ZBTB7C: variants seen among roughly 807,000 people sequenced by gnomAD.
ZBTB7C encodes zinc finger and BTB domain-containing protein 7C.
In ZBTB7C, 8 loss-of-function variants were observed where a neutral mutation model predicts 25.7. The observed-to-expected ratio is 0.31, with a 90% CI of 0.18 to 0.56. The LOEUF (loss-of-function observed/expected upper bound fraction) is 0.56. Among genes scored for constraint, ZBTB7C ranks in the 20% least tolerant of loss-of-function variants. The pLI, the probability that ZBTB7C is intolerant of heterozygous loss-of-function variation, is 0.91. For missense variants in ZBTB7C, 824 were observed against 855.2 expected (o/e 0.96, Z 0.46); for synonymous variants, 394 against 369.0 (o/e 1.07, Z -0.78).
At chr18:48,044,217 G>C (rs2036377352) in intron 3 of ZBTB7C, among the ~76,000 whole-genome samples, 1 of 152,208 alleles carries the variant, frequency 6.6e-6, no homozygotes, top group South Asian at 2.1e-4. Context: ...TCGAGGGCCT[G>C]TGTAGGATTA....
At chr18:48,228,074 C>T (rs1342354349) in intron 2 of ZBTB7C, among the ~76,000 whole-genome samples, 4 of 152,142 alleles carry the variant, frequency 2.6e-5, no homozygotes, top group Admixed American at 6.5e-5. Context: ...ATGCTTCCAG[C>T]GTCTCCCTGA....
At chr18:48,170,555 A>G (rs556049695) in intron 3 of ZBTB7C, among the ~76,000 whole-genome samples, 1 of 152,290 alleles carries the variant, frequency 6.6e-6, no homozygotes, top group East Asian at 1.9e-4. Context: ...ATTTTCAGAC[A>G]TGTTCAGGAA....
At chr18:48,234,563 A>G (rs1395434774) in intron 2 of ZBTB7C, among the ~76,000 whole-genome samples, 7 of 152,290 alleles carry the variant, frequency 4.6e-5, no homozygotes, top group African/African-American at 1.7e-4. Context: ...GATTCACAGC[A>G]CACCATGAAC....
At chr18:48,332,502 G>A (rs1238393144) in intron 2 of ZBTB7C, among the ~76,000 whole-genome samples, 1 of 152,000 alleles carries the variant, frequency 6.6e-6, no homozygotes, top group Non-Finnish European at 1.5e-5. Flanking sequence ...TCTTCCCAGT[G>A]TCTCCAAAGT....
At chr18:48,204,559 T>A (rs866888494) in intron 2 of ZBTB7C, among the ~76,000 whole-genome samples, 3 of 152,150 alleles carry the variant, frequency 2.0e-5, no homozygotes, top group Non-Finnish European at 4.4e-5. Flanking sequence ...GCCTCCAGAC[T>A]CCTGAGACAT....
chr18:48,184,516 G>A (rs1481311940), intron 3 of ZBTB7C, among the ~76,000 whole-genome samples: 1 of 152,168 alleles, frequency 6.6e-6, no homozygotes, highest in Non-Finnish European at 1.5e-5. Flanking sequence ...ACCTTCAAGA[G>A]TGCTGCAAAT....
chr18:48,379,489 T>A (rs1009231872), intron 1 of ZBTB7C, among the ~76,000 whole-genome samples: 8 of 152,206 alleles, frequency 5.3e-5, no homozygotes, highest in Admixed American at 1.3e-4. Context: ...GGTTTTGTTT[T>A]TTACCCCAGT....
At chr18:48,099,960 T>C (rs1389301878) in intron 3 of ZBTB7C, among the ~76,000 whole-genome samples, 1 of 152,224 alleles carries the variant, frequency 6.6e-6, no homozygotes, top group Non-Finnish European at 1.5e-5. Flanking sequence ...GACTGCAGCC[T>C]TAACAGCGAC....
At chr18:48,206,874 C>T (rs1470773732) in intron 2 of ZBTB7C, among the ~76,000 whole-genome samples, 2 of 151,844 alleles carry the variant, frequency 1.3e-5, no homozygotes, top group Non-Finnish European at 2.9e-5. Flanking sequence ...GGAAATTTGT[C>T]AAAATTTAAA....
chr18:48,122,059 C>G (rs928202987), intron 3 of ZBTB7C, among the ~76,000 whole-genome samples: 1 of 152,194 alleles, frequency 6.6e-6, no homozygotes, highest in Non-Finnish European at 1.5e-5. Context: ...GTGCCAGGCT[C>G]CTGCAGCCGA....
intron 2 of ZBTB7C, among the ~76,000 whole-genome samples, chr18:48,221,658 C>CCCT (rs2042962368): frequency 6.6e-6 from 1 of 150,984 alleles, no homozygotes; most frequent in Non-Finnish European, 1.5e-5. Context: ...GTCCTAATCT[C>CCCT]CTTTATACTG....
At chr18:48,243,709 A>G (rs899692229) in intron 2 of ZBTB7C, among the ~76,000 whole-genome samples, 1 of 152,232 alleles carries the variant, frequency 6.6e-6, no homozygotes, top group South Asian at 2.1e-4. Flanking sequence ...AAGAGCTCAC[A>G]TAGCCAAAGC....
chr18:48,305,210 G>A (rs2045643294), intron 2 of ZBTB7C, among the ~76,000 whole-genome samples: 1 of 152,172 alleles, frequency 6.6e-6, no homozygotes, highest in Admixed American at 6.5e-5. Flanking sequence ...CATAAAGTGG[G>A]GAACAATTTG....
chr18:48,384,680 GGTTT>G (rs1010550228), intron 1 of ZBTB7C, among the ~76,000 whole-genome samples: 1 of 151,842 alleles, frequency 6.6e-6, no homozygotes, highest in Non-Finnish European at 1.5e-5. Context: ...AGTGTTTTTT[GGTTT>G]GTTTGTTTGT....
At chr18:48,148,470 CCAGA>C (rs1486506298) in intron 3 of ZBTB7C, 3 of 152,154 alleles carry the variant, frequency 2.0e-5, no homozygotes, top group Non-Finnish European at 4.4e-5. Flanking sequence ...TCAGATATGA[CCAGA>C]CAGTCTTAAG....
chr18:48,222,707 A>C (rs1340801094), intron 2 of ZBTB7C, among the ~76,000 whole-genome samples: 1 of 152,142 alleles, frequency 6.6e-6, no homozygotes, highest in Non-Finnish European at 1.5e-5. Context: ...TCTTGCCTTA[A>C]AATGTGTATG....
chr18:48,244,918 A>G (rs533139793), intron 2 of ZBTB7C, among the ~76,000 whole-genome samples: 8 of 152,196 alleles, frequency 5.3e-5, no homozygotes, highest in Admixed American at 5.2e-4. Flanking sequence ...TAGATCTACC[A>G]TCTGATCCAG....
chr18:48,171,455 A>G (rs535037673), intron 3 of ZBTB7C, among the ~76,000 whole-genome samples: 2 of 152,244 alleles, frequency 1.3e-5, no homozygotes, highest in East Asian at 1.9e-4. Flanking sequence ...TATCCCAGGA[A>G]TCATCCATCA....
intron 2 of ZBTB7C, among the ~76,000 whole-genome samples, chr18:48,187,944 T>C (rs1436320988): frequency 6.6e-6 from 1 of 151,852 alleles, no homozygotes; most frequent in Non-Finnish European, 1.5e-5. Flanking sequence ...GATGTAAAAG[T>C]TCTAGGATGG....
Sources: gnomAD v4.1 joint callset for allele counts (sites outside exome capture counted in the v4.1 genomes callset) on GRCh38, gnomAD v4.1.1 for gene constraint, MANE v1.5 for transcripts, NCBI Gene and HGNC (gene_info 2026-07-23, HGNC 2026-07-21) for gene names.